Variants in DENND5A observed in about 807,000 individuals in gnomAD.
The protein encoded by DENND5A is DENN domain containing 5A.
A neutral mutation model predicts 140.3 loss-of-function variants in DENND5A; 64 were observed. That is an observed-to-expected ratio of 0.46 (90% confidence interval 0.37 to 0.56). DENND5A has a LOEUF of 0.56. Ranked by LOEUF, DENND5A falls within the 20% of genes least tolerant of loss-of-function variation. The pLI, the probability that DENND5A is intolerant of heterozygous loss-of-function variation, is 0.00. For synonymous variants in DENND5A, 605 were observed against 607.7 expected (o/e 1.00, Z 0.07); for missense variants, 1,292 against 1,593.8 (o/e 0.81, Z 3.22).
At chr11:9,142,654 TG>T (rs1847283750) in intron 21 of DENND5A, 67 bp downstream of exon 21, 15 of 1,595,064 alleles carry the variant, frequency 9.4e-6, no homozygotes, top group Non-Finnish European at 1.3e-5. Flanking sequence ...TCAGCACCCA[TG>T]CTATGCTGGT....
At chr11:9,170,009 A>T (rs750656514) in intron 9 of DENND5A, 60 bp from the exon 10 acceptor site, 28 of 1,225,038 alleles carry the variant, frequency 2.3e-5, no homozygotes, top group Non-Finnish European at 3.1e-5. Flanking sequence ...AGCAATGTCA[A>T]CTAACAGGAG....
intron 12 of DENND5A, among the ~76,000 whole-genome samples, chr11:9,153,344 CAAAAA>C (rs59736475): frequency 3.7e-5 from 1 of 27,024 alleles, no homozygotes; most frequent in African/African-American, 1.3e-4. Context: ...GGCTCCCTCT[CAAAAA>C]AAAAAAAAAA....
intron 1 of DENND5A, among the ~76,000 whole-genome samples, chr11:9,257,208 T>C (rs887689157): frequency 2.6e-5 from 4 of 151,796 alleles, no homozygotes; most frequent in Non-Finnish European, 5.9e-5. Flanking sequence ...CGGGGTTTCA[T>C]CGTGTTGGCC....
intron 1 of DENND5A, among the ~76,000 whole-genome samples, chr11:9,248,476 C>T (rs1219089138): frequency 6.6e-6 from 1 of 151,882 alleles, no homozygotes; most frequent in Non-Finnish European, 1.5e-5. Context: ...CATAGTGACA[C>T]ACTCACTATC....
rs187579168 is a variant in DENND5A at position 9,167,707 on chromosome 11, G to A, written c.2152-1740C>T. 6.4e-4 allele frequency among the ~76,000 whole-genome samples: 97 copies of A among 152,246 alleles called. 1 individual carries two copies. The highest frequency in any genetic ancestry group is 1.1e-3 in the Non-Finnish European group (77 of 68,010). The stretch of plus-strand genomic sequence containing the variant: ...GGTCCCAGCTACTAGAGAGGCTGAG[G>A]TGGGAGGATCACCTGAGCCTTGGAG... On this transcript the variant is annotated intron_variant, in intron 10 of 22. Coordinates refer to ENST00000328194, the MANE Select transcript of DENND5A (RefSeq NM_015213.4).
Position 9,178,778 on chromosome 11 carries a change from G to C in DENND5A, c.1671+80C>G, listed in dbSNP as rs796210132. The stretch of plus-strand genomic sequence containing the variant: ...TATGATAATCTTCCATTACTTCTTC[G>C]AGTAATTTTCCATTACTTCTTCAAG... On this transcript the variant is annotated intron_variant, in intron 7 of 22. Transcript: ENST00000328194. The C allele has an allele frequency of 2.6e-6, 3 of 1,176,336 alleles. No homozygotes were observed. In the African/African-American group the frequency reaches 4.6e-5, roughly 18 times the overall value. 72.9% of individuals were successfully genotyped at this position (1,176,336 alleles called of 1,614,324 possible). A position where few individuals can be genotyped will look rare whatever the true frequency, so the allele number is the denominator to read the frequency against.
At chr11:9,186,793 TA>T (rs1282300616) in intron 5 of DENND5A, among the ~76,000 whole-genome samples, 3 of 152,124 alleles carry the variant, frequency 2.0e-5, no homozygotes, top group Non-Finnish European at 2.9e-5. Context: ...GACTGAGTTT[TA>T]AAAGAGCCGG....
intron 1 of DENND5A, among the ~76,000 whole-genome samples, chr11:9,213,805 T>A (rs1170360698): frequency 7.9e-3 from 3 of 378 alleles, no homozygotes; most frequent in Non-Finnish European, 0.019. Context: ...AGACTCCGTC[T>A]CCCAAAAAAA....
chr11:9,169,866 T>G lies in DENND5A; in HGVS notation c.2141A>C (p.Asp714Ala). 1 of 1,606,898 alleles carries G rather than the reference T, an allele frequency of 6.2e-7. No homozygotes were observed. Among genetic ancestry groups the G allele is most frequent in the Non-Finnish European group, 8.5e-7 (1 of 1,173,438 alleles). ...QHTEHLRLDN[D>A]QREKYIQEAR... ...CTTAAGGTATCTTACCTCCCTCTGG[T>G]CATTATCTAAACGCAGGTGTTCTGT... Residue 714 changes from aspartate (D) to alanine (A), a missense_variant, in exon 10 of 23, where the codon GAC becomes GCC. Coordinates refer to ENST00000328194, the MANE Select transcript of DENND5A (RefSeq NM_015213.4).
Position 9,203,990 on chromosome 11 carries a change from T to C in DENND5A, c.619A>G (p.Ile207Val), listed in dbSNP as rs1564913664. The change falls in exon 4 of 23, where the codon ATC becomes GTC. Residue 207 changes from isoleucine (I) to valine (V), a missense_variant. Physicochemically the swap from Ile to Val is conservative, Grantham distance 29. Transcript: ENST00000328194. ...AAAGACATGGGTGTGATGAGGCAGATGCACTTAGAGACGTAGAGAGTGTCC... is the reference window on the plus strand; with the variant it reads ...AAAGACATGGGTGTGATGAGGCAGACGCACTTAGAGACGTAGAGAGTGTCC... ...SRDTLYVSKC[I>V]CLITPMSFMK... 1 of 1,614,160 alleles carries C rather than the reference T, an allele frequency of 6.2e-7. No individual in the cohort carries two copies.
At chr11:9,248,725 G>A (rs1590335827) in intron 1 of DENND5A, among the ~76,000 whole-genome samples, 1 of 151,986 alleles carries the variant, frequency 6.6e-6, no homozygotes, top group South Asian at 2.1e-4. Flanking sequence ...CCCCTTGGGT[G>A]GGCATTCAAT....
intron 8 of DENND5A, chr11:9,171,009 G>A (rs144146540): frequency 0.012 from 7,876 of 639,566 alleles, 79 homozygotes; most frequent in Middle Eastern, 0.027. Context: ...CTGAGAAACA[G>A]GTAACAAATG....
At chr11:9,228,110 CA>C (rs548141276) in intron 1 of DENND5A, among the ~76,000 whole-genome samples, 52 of 72,656 alleles carry the variant, frequency 7.2e-4, no homozygotes, top group Admixed American at 1.2e-3. Context: ...GACTCCATCT[CA>C]AAAAAAAAAA....
intron 10 of DENND5A, 123 bp from the exon 11 acceptor site, chr11:9,166,090 T>C: frequency 5.5e-6 from 5 of 908,720 alleles, no homozygotes. Flanking sequence ...TCTTTTTCTT[T>C]TTTTTTTTGA....
chr11:9,212,004 T>C (rs79179130), intron 1 of DENND5A, among the ~76,000 whole-genome samples: 8,893 of 149,736 alleles, frequency 0.059, 363 homozygotes, highest in South Asian at 0.1. Context: ...TAAAAGCAGA[T>C]TGGAAATGAC....
rs1030743658 is a variant in DENND5A at position 9,261,008 on chromosome 11, C to T, written c.109+3953G>A. Reference sequence around the variant, plus strand: ...GGACCACAGGTGCATGCCACCACACCCAGCTAATTTTTTGTACTTTCTGTA... The same window carrying T: ...GGACCACAGGTGCATGCCACCACACTCAGCTAATTTTTTGTACTTTCTGTA... On this transcript the variant is annotated intron_variant, in intron 1 of 22. Coordinates refer to ENST00000328194, the MANE Select transcript of DENND5A (RefSeq NM_015213.4). Among the ~76,000 whole-genome samples, 3 of 133,120 alleles carry T rather than the reference C, an allele frequency of 2.3e-5. No homozygotes were observed. In the Admixed American group the frequency reaches 2.5e-4, roughly 11 times the overall value. 87.3% of individuals were successfully genotyped at this position (133,120 alleles called of 152,430 possible).
In DENND5A at chr11:9,172,854, C is replaced by G. The variant is rs187985276; in HGVS notation, c.1907-2077G>C. Among the ~76,000 whole-genome samples the G allele has an allele frequency of 5.7e-3, 867 of 152,062 alleles. 6 individuals are homozygous for G. Among genetic ancestry groups the G allele is most frequent in the Middle Eastern group, 0.031 (9 of 294 alleles). ...TTTTTGAGACAGGGTCTCATTCTGT[C>G]GCCCGGGCTAGAGTGCTGTGGTGTG... is the stretch of plus-strand genomic sequence containing the variant. On this transcript the variant is annotated intron_variant, in intron 8 of 22. Coordinates refer to ENST00000328194, the MANE Select transcript of DENND5A (RefSeq NM_015213.4).
intron 1 of DENND5A, among the ~76,000 whole-genome samples, chr11:9,213,547 C>A (rs1163886039): frequency 6.6e-6 from 1 of 151,432 alleles, no homozygotes; most frequent in East Asian, 1.9e-4. Context: ...GTGGCTCACA[C>A]CTGTAATCCC....
At chr11:9,263,670 G>A (rs1234642050) in intron 1 of DENND5A, among the ~76,000 whole-genome samples, 1 of 145,794 alleles carries the variant, frequency 6.9e-6, no homozygotes. Flanking sequence ...GTGAAACCCC[G>A]TCTCTACTAA....
Sources: allele counts gnomAD v4.1 joint callset (sites outside exome capture counted in the v4.1 genomes callset), GRCh38; gene constraint gnomAD v4.1.1; transcripts MANE v1.5; gene names NCBI Gene and HGNC (gene_info 2026-07-23, HGNC 2026-07-21).